The following GRID2 variants were observed in gnomAD, a reference collection of about 807,000 sequenced individuals.
GRID2 encodes the protein glutamate receptor ionotropic, delta-2.
In GRID2, 33 loss-of-function variants were observed where a neutral mutation model predicts 114.8. That is an observed-to-expected ratio of 0.29 (90% CI 0.22 to 0.38). The LOEUF (loss-of-function observed/expected upper bound fraction) is 0.38. Ranked by LOEUF, GRID2 falls within the 10% of genes least tolerant of loss-of-function variation. The pLI is 1.00. For synonymous variants in GRID2, 505 were observed against 449.9 expected, an observed-to-expected ratio of 1.12 and a Z score of -1.55; for missense variants, 1,184 against 1,257.7, an observed-to-expected ratio of 0.94 and a Z score of 0.89.
chr4:92,326,281 C>T (rs1331220502), intron 1 of GRID2, among the ~76,000 whole-genome samples: 1 of 151,830 alleles, frequency 6.6e-6, no homozygotes, highest in Non-Finnish European at 1.5e-5. Context: ...CATAAGTACA[C>T]TGAACATAAG....
intron 2 of GRID2, among the ~76,000 whole-genome samples, chr4:93,064,005 T>C (rs1728038330): frequency 6.7e-6 from 1 of 150,210 alleles, no homozygotes; most frequent in South Asian, 2.1e-4. Context: ...TGTATGTGTA[T>C]ATATTATATT....
intron 8 of GRID2, among the ~76,000 whole-genome samples, chr4:93,260,054 G>A (rs1164606162): frequency 1.3e-5 from 2 of 151,656 alleles, no homozygotes; most frequent in Non-Finnish European, 3.0e-5. Context: ...CAAAAACTGT[G>A]TCCGCTATTA....
intron 1 of GRID2, among the ~76,000 whole-genome samples, chr4:92,340,788 C>A (rs1432109663): frequency 1.3e-5 from 2 of 152,110 alleles, no homozygotes; most frequent in African/African-American, 2.4e-5. Flanking sequence ...CTATTAAAAC[C>A]TGTGCCTGTG....
intron 1 of GRID2, among the ~76,000 whole-genome samples, chr4:92,331,148 A>C (rs1006838871): frequency 3.3e-5 from 5 of 152,212 alleles, no homozygotes; most frequent in African/African-American, 1.2e-4. Flanking sequence ...ATTGCCAAAT[A>C]ATGTGTCAGA....
chr4:93,801,688 T>A (rs1323222705), intron 1 of GRID2, among the ~76,000 whole-genome samples: 1 of 152,206 alleles, frequency 6.6e-6, no homozygotes, highest in Non-Finnish European at 1.5e-5. Context: ...AGCACTGCAC[T>A]TTCTCACATT....
chr4:93,418,203 C>A (rs942289428), intron 9 of GRID2, among the ~76,000 whole-genome samples: 1 of 151,664 alleles, frequency 6.6e-6, no homozygotes, highest in Non-Finnish European at 1.5e-5. Flanking sequence ...TCTTTATATG[C>A]TTGACAGTAC....
rs115692333 is a variant in GRID2 at position 93,359,005 on chromosome 4, A to G, written c.1246-36602A>G. On this transcript the variant is annotated intron_variant, in intron 8 of 15. Transcript: ENST00000282020. The stretch of plus-strand genomic sequence containing the variant: ...ACCATTTATTATTTATCATGAGTCT[A>G]TGGTTGATGGGATGTTCTGCTGAAC... 5.5e-3 allele frequency among the ~76,000 whole-genome samples: 835 copies of G among 152,134 alleles called. 4 individuals carry two copies. The highest frequency in any genetic ancestry group is 0.019 in the African/African-American group (795 of 41,540).
intron 14 of GRID2, among the ~76,000 whole-genome samples, chr4:93,691,932 T>A (rs1039251031): frequency 6.6e-6 from 1 of 152,022 alleles, no homozygotes; most frequent in Non-Finnish European, 1.5e-5. Context: ...TGTGTGTGTA[T>A]GTATGTGTGA....
At chr4:92,597,806 G>A (rs1729024573) in intron 2 of GRID2, among the ~76,000 whole-genome samples, 1 of 152,090 alleles carries the variant, frequency 6.6e-6, no homozygotes, top group Admixed American at 6.6e-5. Flanking sequence ...TGGTTGATTT[G>A]ATTAAAAACC....
At chr4:92,915,282 T>C (rs538562297) in intron 2 of GRID2, among the ~76,000 whole-genome samples, 1 of 152,258 alleles carries the variant, frequency 6.6e-6, no homozygotes, top group East Asian at 1.9e-4. Flanking sequence ...CCTAACAGCA[T>C]AGATTAGTTC....
At position 92,465,421 on chromosome 4, in the gene GRID2, T is replaced by C. The variant is rs144911643; in HGVS notation, c.89-124710T>C. 6.2e-3 allele frequency among the ~76,000 whole-genome samples: 938 copies of C among 152,224 alleles called. 7 individuals carry two copies. Among genetic ancestry groups the C allele is most frequent in the African/African-American group, 0.021 (857 of 41,556 alleles). ...ACTGAAAAATGGCAGATTTCTGATA[T>C]GAATTATTTCACCGGATTGCTTAAT... On this transcript the variant is annotated intron_variant, in intron 1 of 15. Coordinates refer to ENST00000282020, the MANE Select transcript of GRID2 (RefSeq NM_001510.4).
chr4:93,769,533 G>A (rs1452059231), intron 15 of GRID2, 83 bp downstream of exon 15: 1 of 1,304,170 alleles, frequency 7.7e-7, no homozygotes, highest in East Asian at 2.3e-5. Flanking sequence ...GGAGGATAAT[G>A]GGTTGGGGGT....
intron 2 of GRID2, among the ~76,000 whole-genome samples, chr4:93,000,223 G>T (rs983242414): frequency 6.6e-6 from 1 of 151,604 alleles, no homozygotes; most frequent in Admixed American, 6.6e-5. Flanking sequence ...AGTGAGAATA[G>T]TAACAGTGTT....
At chr4:92,554,748 G>A (rs888001264) in intron 1 of GRID2, among the ~76,000 whole-genome samples, 3 of 152,172 alleles carry the variant, frequency 2.0e-5, no homozygotes, top group Non-Finnish European at 2.9e-5. Context: ...TAAATGATCT[G>A]TATAAATATT....
intron 2 of GRID2, among the ~76,000 whole-genome samples, chr4:92,935,204 C>G (rs576651740): frequency 6.8e-5 from 10 of 146,052 alleles, no homozygotes; most frequent in African/African-American, 1.7e-4. Flanking sequence ...AAAAAACAAC[C>G]CCATCAAAAA....
chr4:93,110,840 A>G lies in GRID2; in HGVS notation c.622A>G (p.Ile208Val). 1 of 1,610,238 alleles carries G rather than the reference A, an allele frequency of 6.2e-7. No individual in the cohort carries two copies. Among genetic ancestry groups the G allele is most frequent in the Non-Finnish European group, 8.5e-7 (1 of 1,176,500 alleles). Residue 208 changes from isoleucine to valine, a missense_variant, in exon 4 of 16, where the codon ATT (isoleucine) becomes GTT (valine). Around this residue, in one of 3 missense-constraint regions of GRID2, gnomAD observed 455 missense variants for 429.5 expected, o/e 1.06. Coordinates refer to ENST00000282020, the MANE Select transcript of GRID2 (RefSeq NM_001510.4). ...GGTAGAAAACAACATCAATAAAATG[A>G]TTACCACTCTCTTTGACACCATGAG... ...QKVENNINKM[I>V]TTLFDTMRIE...
chr4:93,222,541 G>C (rs1407298746), intron 6 of GRID2, among the ~76,000 whole-genome samples: 1 of 151,764 alleles, frequency 6.6e-6, no homozygotes, highest in Non-Finnish European at 1.5e-5. Flanking sequence ...ACGTAAACAT[G>C]TGCCATGTTG....
At position 92,538,167 on chromosome 4, in the gene GRID2, A is replaced by G. The variant is rs954095964; in HGVS notation, c.89-51964A>G. Among the ~76,000 whole-genome samples, 50 of 152,268 alleles carry G rather than the reference A, an allele frequency of 3.3e-4. 1 individual carries two copies. Among genetic ancestry groups the G allele is most frequent in the Non-Finnish European group, 4.4e-5 (3 of 68,012 alleles). On this transcript the variant is annotated intron_variant, in intron 1 of 15. Transcript: ENST00000282020. ...CTAATTTTAAGGGCTAACATTTTGC[A>G]TGTTCTCTCACTAGTGTTCAAAACA...
At chr4:93,501,805 ATCT>A (rs771995141) in intron 12 of GRID2, among the ~76,000 whole-genome samples, 132 of 152,220 alleles carry the variant, frequency 8.7e-4, no homozygotes, top group Non-Finnish European at 1.1e-3. Flanking sequence ...TTCTAAAATA[ATCT>A]TCTTCTGAAC....
Sources: gnomAD v4.1 joint callset for allele counts (sites outside exome capture counted in the v4.1 genomes callset) on GRCh38, gnomAD v4.1.1 for gene constraint, gnomAD v4.1.1 regional missense constraint, MANE v1.5 for transcripts, NCBI Gene and HGNC (gene_info 2026-07-23, HGNC 2026-07-21) for gene names.